The following TIAM1 variants were observed in gnomAD, a reference collection of about 807,000 sequenced individuals.
The protein encoded by TIAM1 is TIAM Rac1 associated GEF 1.
In TIAM1, 65 loss-of-function variants were observed where a neutral mutation model predicts 163.5. The observed-to-expected ratio is 0.40, with a 90% CI of 0.33 to 0.49. The LOEUF is 0.49. Among genes scored for constraint, TIAM1 ranks in the 20% least tolerant of loss-of-function variants. TIAM1 has a pLI of 0.77. For missense variants in TIAM1, 1,789 were observed against 2,044.7 expected, an observed-to-expected ratio of 0.87 and a Z score of 2.41; for synonymous variants, 833 against 810.1, an observed-to-expected ratio of 1.03 and a Z score of -0.48.
At chr21:31,558,561 C>T (rs1336747225) in intron 1 of TIAM1, among the ~76,000 whole-genome samples, 1 of 152,140 alleles carries the variant, frequency 6.6e-6, no homozygotes. Flanking sequence ...ATACAAAGTG[C>T]CGCGGCCGCC....
intron 2 of TIAM1, among the ~76,000 whole-genome samples, chr21:31,306,174 T>A (rs1043926210): frequency 2.0e-5 from 3 of 152,068 alleles, no homozygotes; most frequent in South Asian, 2.1e-4. Context: ...GTCCCAGCTA[T>A]TTAAGAGGCT....
At chr21:31,422,066 C>T (rs923007987) in intron 2 of TIAM1, among the ~76,000 whole-genome samples, 10 of 152,248 alleles carry the variant, frequency 6.6e-5, no homozygotes, top group Non-Finnish European at 1.3e-4. Context: ...GGTAGCATGC[C>T]TTGCCAACAC....
At chr21:31,348,875 C>T (rs1175025885), upstream of TIAM1, among the ~76,000 whole-genome samples, 2 of 152,110 alleles carry the variant, frequency 1.3e-5, no homozygotes, top group African/African-American at 2.4e-5. Context: ...AACCTTATGC[C>T]AACCAAACTT....
chr21:31,544,628 AAAAT>A (rs1219919385), intron 1 of TIAM1, among the ~76,000 whole-genome samples: 1 of 152,042 alleles, frequency 6.6e-6, no homozygotes, highest in Non-Finnish European at 1.5e-5. Context: ...ACTCCGTCTC[AAAAT>A]AAATAAATAA....
At chr21:31,150,479 A>G (rs1375628726) in intron 19 of TIAM1, among the ~76,000 whole-genome samples, 1 of 152,194 alleles carries the variant, frequency 6.6e-6, no homozygotes, top group African/African-American at 2.4e-5. Context: ...TGGAAAAAGG[A>G]TCAAACGACA....
At chr21:31,533,665 T>C (rs9977161) in intron 1 of TIAM1, among the ~76,000 whole-genome samples, 33,334 of 152,044 alleles carry the variant, frequency 0.22, 3,905 homozygotes, top group African/African-American at 0.27. Flanking sequence ...CCCAGAAGTT[T>C]GAGGCTGCAC....
intron 5 of TIAM1, among the ~76,000 whole-genome samples, chr21:31,250,165 A>AAG (rs1555905175): frequency 4.4e-4 from 65 of 147,860 alleles, no homozygotes; most frequent in African/African-American, 1.7e-3. Flanking sequence ...AAAAAAAAAA[A>AAG]AAAAAAGAAA....
Sources: allele counts gnomAD v4.1 joint callset (sites outside exome capture counted in the v4.1 genomes callset), GRCh38; gene constraint gnomAD v4.1.1; transcripts MANE v1.5; gene names NCBI Gene and HGNC (gene_info 2026-07-23, HGNC 2026-07-21).